Variants in GPC5 observed in about 807,000 individuals in gnomAD.
GPC5 encodes the protein glypican 5.
In GPC5, 47 loss-of-function variants were observed where a neutral mutation model predicts 53.9. The ratio of observed to expected loss-of-function variants is 0.87; its 90% CI spans 0.69 to 1.11. The LOEUF (loss-of-function observed/expected upper bound fraction) is 1.11, where lower values mean the gene tolerates loss of function less well. Ranked by LOEUF, GPC5 falls within the 50% of genes most tolerant of loss-of-function variation. The pLI, the probability that GPC5 is intolerant of heterozygous loss-of-function variation, is 0.00. For missense variants in GPC5, 748 were observed against 713.1 expected (o/e 1.05, Z -0.56); for synonymous variants, 286 against 263.3 (o/e 1.09, Z -0.84).
At chr13:92,278,562 A>G (rs1566516015) in intron 7 of GPC5, among the ~76,000 whole-genome samples, 1 of 151,956 alleles carries the variant, frequency 6.6e-6, no homozygotes, top group Non-Finnish European at 1.5e-5. Context: ...ATTCCCACTT[A>G]TTTATTTTTT....
chr13:92,672,800 G>A lies in GPC5; in HGVS notation c.1562-193482G>A, dbSNP rs148574293. On this transcript the variant is annotated intron_variant, in intron 7 of 7. Transcript: ENST00000377067. The stretch of plus-strand genomic sequence containing the variant: ...ACATAGGAAGAGAAAACCAAACACC[G>A]CATGTTCTCATTTATAAGTGGGAGC... Among the ~76,000 whole-genome samples, 281 of 152,228 alleles carry A rather than the reference G, an allele frequency of 1.8e-3. 2 individuals are homozygous for A. Among genetic ancestry groups the A allele is most frequent in the African/African-American group, 6.2e-3 (259 of 41,552 alleles).
intron 3 of GPC5, among the ~76,000 whole-genome samples, chr13:91,727,431 C>T (rs1016074058): frequency 6.6e-6 from 1 of 152,102 alleles, no homozygotes; most frequent in African/African-American, 2.4e-5. Flanking sequence ...TGGAAGGATT[C>T]CTTTATTTCT....
chr13:91,910,901 GAC>G (rs1422061533), intron 6 of GPC5, among the ~76,000 whole-genome samples: 1 of 152,042 alleles, frequency 6.6e-6, no homozygotes, highest in African/African-American at 2.4e-5. Flanking sequence ...TATTGTAGCT[GAC>G]ACATGTTATA....
chr13:92,590,461 T>G (rs1883678355), intron 7 of GPC5, among the ~76,000 whole-genome samples: 1 of 152,240 alleles, frequency 6.6e-6, no homozygotes, highest in African/African-American at 2.4e-5. Context: ...TTAACTTTTC[T>G]GAACAAAACC....
At chr13:92,862,542 G>GATAGATAT (rs1007650587) in intron 7 of GPC5, among the ~76,000 whole-genome samples, 1 of 151,790 alleles carries the variant, frequency 6.6e-6, no homozygotes, top group African/African-American at 2.4e-5. Context: ...TATATATATA[G>GATAGATAT]ATAGATATAT....
At chr13:92,163,057 A>G (rs1195188564) in intron 7 of GPC5, among the ~76,000 whole-genome samples, 1 of 152,170 alleles carries the variant, frequency 6.6e-6, no homozygotes, top group Non-Finnish European at 1.5e-5. Flanking sequence ...AGAAAAGTCT[A>G]TGTTAAGTTA....
chr13:91,869,785 T>C (rs528429477), intron 5 of GPC5, among the ~76,000 whole-genome samples: 12 of 152,266 alleles, frequency 7.9e-5, no homozygotes, highest in South Asian at 6.2e-4. Flanking sequence ...AAACTTATAA[T>C]TGTAGCGGAA....
At chr13:91,800,034 A>G (rs2989990) in intron 5 of GPC5, among the ~76,000 whole-genome samples, 42,370 of 151,944 alleles carry the variant, frequency 0.28, 6,595 homozygotes, top group African/African-American at 0.39. Flanking sequence ...ACATCTAAAT[A>G]ATTAAGATCC....
intron 7 of GPC5, among the ~76,000 whole-genome samples, chr13:92,253,409 T>C (rs907400858): frequency 2.1e-5 from 3 of 141,168 alleles, no homozygotes; most frequent in African/African-American, 7.9e-5. Context: ...TTAAGTGGTT[T>C]ATAGGTAGAA....
intron 7 of GPC5, among the ~76,000 whole-genome samples, chr13:92,698,475 G>T (rs977817472): frequency 3.4e-4 from 51 of 152,190 alleles, no homozygotes; most frequent in Non-Finnish European, 5.6e-4. Context: ...CTTCATCCAT[G>T]TCCCTACAAA....
rs542118748 is a variant in GPC5 at position 92,751,259 on chromosome 13, G to A, written c.1562-115023G>A. On this transcript the variant is annotated intron_variant, in intron 7 of 7. Transcript: ENST00000377067. Reference sequence around the variant, plus strand: ...TGGAAACATTTGAAAAGGTACCTACGTAAGAACAGTTTTGGAGAAAACCTT... The same window carrying A: ...TGGAAACATTTGAAAAGGTACCTACATAAGAACAGTTTTGGAGAAAACCTT... Among the ~76,000 whole-genome samples the A allele has an allele frequency of 1.3e-3, 135 of 104,772 alleles. 1 individual carries two copies. Among genetic ancestry groups the A allele is most frequent in the Non-Finnish European group, 2.1e-3 (116 of 54,922 alleles). The allele number at this position is 104,772 out of a possible 152,430, so 68.7% of individuals were successfully genotyped here. A position where few individuals can be genotyped will look rare whatever the true frequency, so the allele number is the denominator to read the frequency against.
At chr13:91,480,564 C>A (rs1308375076) in intron 2 of GPC5, among the ~76,000 whole-genome samples, 1 of 152,204 alleles carries the variant, frequency 6.6e-6, no homozygotes, top group African/African-American at 2.4e-5. Flanking sequence ...ACTACAGCCT[C>A]AGTAAATATT....
At chr13:91,478,880 AT>A (rs1248956806) in intron 2 of GPC5, among the ~76,000 whole-genome samples, 1 of 27,688 alleles carries the variant, frequency 3.6e-5, no homozygotes, top group African/African-American at 1.8e-4. Flanking sequence ...ATATATACAC[AT>A]TATATATATA....
intron 5 of GPC5, among the ~76,000 whole-genome samples, chr13:91,814,927 C>A (rs2038377219): frequency 6.6e-6 from 1 of 152,148 alleles, no homozygotes; most frequent in Non-Finnish European, 1.5e-5. Context: ...TGGAATATTT[C>A]AAGAACAGTA....
chr13:92,751,134 A>C (rs1353753835), intron 7 of GPC5, among the ~76,000 whole-genome samples: 1 of 151,922 alleles, frequency 6.6e-6, no homozygotes, highest in East Asian at 1.9e-4. Flanking sequence ...CTTTATTAGA[A>C]GTCCAATTTA....
intron 7 of GPC5, among the ~76,000 whole-genome samples, chr13:92,835,796 A>T (rs965643648): frequency 2.6e-5 from 4 of 152,028 alleles, no homozygotes; most frequent in African/African-American, 9.7e-5. Flanking sequence ...AATGCTCAAC[A>T]TCTTCACCAG....
intron 7 of GPC5, among the ~76,000 whole-genome samples, chr13:92,656,313 GA>G (rs1181852188): frequency 5.3e-5 from 8 of 152,098 alleles, no homozygotes; most frequent in African/African-American, 1.9e-4. Context: ...AAGACACAGT[GA>G]AAAAAATGGA....
At position 91,892,618 on chromosome 13, in the gene GPC5, AG is replaced by A. The variant is rs2039399217; in HGVS notation, c.1281-15318del. On this transcript the variant is annotated intron_variant, in intron 5 of 7. Coordinates refer to ENST00000377067, the MANE Select transcript of GPC5 (RefSeq NM_004466.6). The stretch of plus-strand genomic sequence containing the variant: ...ACTCTGTTACAAATTAGTATTTTGT[AG>A]ATAAAAATTATTATATAATTTTAGA... Among the ~76,000 whole-genome samples, 2 of 151,764 alleles carry A rather than the reference AG, an allele frequency of 1.3e-5. 1 individual carries two copies. The highest frequency in any genetic ancestry group is 4.1e-4 in the South Asian group (2 of 4,830).
chr13:92,004,491 A>ATATATATATATAT (rs1555303852), intron 6 of GPC5, among the ~76,000 whole-genome samples: 4 of 69,768 alleles, frequency 5.7e-5, no homozygotes, highest in Non-Finnish European at 5.8e-5. Context: ...TATATATATA[A>ATATATATATATAT]TTACACTATA....
Sources: gnomAD v4.1 joint callset for allele counts (sites outside exome capture counted in the v4.1 genomes callset) on GRCh38, gnomAD v4.1.1 for gene constraint, MANE v1.5 for transcripts, NCBI Gene and HGNC (gene_info 2026-07-23, HGNC 2026-07-21) for gene names.